CFAP20DC: variants seen among roughly 807,000 people sequenced by gnomAD.
CFAP20DC encodes the protein CFAP20 domain containing, also known as protein CFAP20DC.
In CFAP20DC, 84 loss-of-function variants were observed where a neutral mutation model predicts 101.7. The observed-to-expected ratio is 0.83, with a 90% CI of 0.69 to 0.99. CFAP20DC has a LOEUF of 0.99. CFAP20DC is among the 50% of genes least tolerant of loss of function. The pLI, the probability that CFAP20DC is intolerant of heterozygous loss-of-function variation, is 0.00. For synonymous variants in CFAP20DC, 359 were observed against 351.2 expected (o/e 1.02, Z -0.25); for missense variants, 1,007 against 970.3 (o/e 1.04, Z -0.50).
At chr3:58,834,772 A>AG (rs1239931641) in intron 13 of CFAP20DC, among the ~76,000 whole-genome samples, 17 of 152,278 alleles carry the variant, frequency 1.1e-4, no homozygotes, top group Admixed American at 5.2e-4. Context: ...CAAATATACT[A>AG]GGGGGGTCTC....
rs2082512552 is a variant in CFAP20DC at position 58,894,515 on chromosome 3, C to G, written c.551-9806G>C. On this transcript the variant is annotated intron_variant, in intron 6 of 16. Coordinates refer to ENST00000482387, the MANE Select transcript of CFAP20DC (RefSeq NM_001394063.1). This position sits in a 1 kb window ranked among gnomAD's most constrained non-coding sequence, Gnocchi z 4.1. ...GTCTCACATTCAGGACACGCTGATG[C>G]AGAAGGTGGGTTCCTACGGCCTTTG... is the stretch of plus-strand genomic sequence containing the variant. 6.6e-6 allele frequency among the ~76,000 whole-genome samples: 1 copy of G among 152,246 alleles called. No homozygotes were observed. Among genetic ancestry groups the G allele is most frequent in the South Asian group, 2.1e-4 (1 of 4,828 alleles).
At chr3:59,005,730 A>G (rs1460488236) in intron 4 of CFAP20DC, among the ~76,000 whole-genome samples, 1 of 152,228 alleles carries the variant, frequency 6.6e-6, no homozygotes, top group African/African-American at 2.4e-5. Context: ...ATATTAATGT[A>G]ATTAAATGTC....
intron 4 of CFAP20DC, among the ~76,000 whole-genome samples, chr3:58,984,376 C>T (rs1234013094): frequency 6.6e-6 from 1 of 152,012 alleles, no homozygotes; most frequent in East Asian, 1.9e-4. Flanking sequence ...ACAACTTTTG[C>T]CAGAGGATTT....
chr3:58,764,162 C>T (rs1280633176), intron 15 of CFAP20DC, among the ~76,000 whole-genome samples: 4 of 152,206 alleles, frequency 2.6e-5, no homozygotes, highest in East Asian at 1.9e-4. Context: ...GGCAGGCCTC[C>T]GTGAGCTGCA....
At chr3:58,944,314 G>C (rs2089044338) in intron 4 of CFAP20DC, among the ~76,000 whole-genome samples, 1 of 152,156 alleles carries the variant, frequency 6.6e-6, no homozygotes, top group East Asian at 1.9e-4. Flanking sequence ...AATGTTAAGG[G>C]CAGCCAGAGA....
At chr3:58,798,081 C>T (rs751256324) in intron 15 of CFAP20DC, among the ~76,000 whole-genome samples, 16 of 152,058 alleles carry the variant, frequency 1.1e-4, no homozygotes, top group Non-Finnish European at 1.9e-4. Flanking sequence ...CCAGCTAACA[C>T]GACATCTATT....
chr3:58,796,154 T>C (rs985227115), intron 15 of CFAP20DC, among the ~76,000 whole-genome samples: 1 of 152,084 alleles, frequency 6.6e-6, no homozygotes, highest in African/African-American at 2.4e-5. Flanking sequence ...AAACCAGGAC[T>C]GAAAGTGGGC....
intron 3 of CFAP20DC, chr3:58,734,464 G>A (rs906555126): frequency 1.3e-5 from 6 of 449,156 alleles, no homozygotes; most frequent in Non-Finnish European, 2.2e-5. Context: ...CATTTACTGA[G>A]TGCTTACCAT....
chr3:58,939,977 A>C (rs569046042), intron 4 of CFAP20DC, among the ~76,000 whole-genome samples: 1 of 152,092 alleles, frequency 6.6e-6, no homozygotes, highest in Non-Finnish European at 1.5e-5. Context: ...ATGTTGGCCA[A>C]GCTGGTCTAG....
At chr3:59,049,003 A>C (rs1483968213) in intron 1 of CFAP20DC, among the ~76,000 whole-genome samples, 1 of 152,158 alleles carries the variant, frequency 6.6e-6, no homozygotes, top group Non-Finnish European at 1.5e-5. Flanking sequence ...CTAGTTAAAA[A>C]GCTTAATCAA....
At chr3:58,777,585 T>G (rs1455378634) in intron 15 of CFAP20DC, among the ~76,000 whole-genome samples, 1 of 152,112 alleles carries the variant, frequency 6.6e-6, no homozygotes, top group African/African-American at 2.4e-5. Flanking sequence ...AACAGAAAAA[T>G]AAAGGCTAAG....
intron 6 of CFAP20DC, among the ~76,000 whole-genome samples, chr3:58,891,270 C>A (rs921335777): frequency 6.6e-6 from 1 of 151,968 alleles, no homozygotes; most frequent in African/African-American, 2.4e-5. Context: ...CAAAACCAGT[C>A]AGGCGTGGCG....
rs879333653 is a variant in CFAP20DC at position 58,817,465 on chromosome 3, A to G, written c.2176-11009T>C. 3.5e-3 allele frequency among the ~76,000 whole-genome samples: 501 copies of G among 143,134 alleles called. 2 individuals are homozygous for G. Among genetic ancestry groups the G allele is most frequent in the Middle Eastern group, 0.011 (3 of 282 alleles). The allele number at this position is 143,134 out of a possible 152,430, so 93.9% of individuals were successfully genotyped here. A position where few individuals can be genotyped will look rare whatever the true frequency, so the allele number is the denominator to read the frequency against. ...CTTAAAGGAGCTGATGGAGCTGAAA[A>G]CCAAGGCTCGAGAACTACGTGAAGA... is the stretch of plus-strand genomic sequence containing the variant. On this transcript the variant is annotated intron_variant, in intron 14 of 16. Transcript: ENST00000482387.
At chr3:59,026,763 T>C (rs564801960) in intron 4 of CFAP20DC, among the ~76,000 whole-genome samples, 1 of 152,294 alleles carries the variant, frequency 6.6e-6, no homozygotes, top group African/African-American at 2.4e-5. Flanking sequence ...TTCAATAGGG[T>C]AGAAGACTCT....
At chr3:58,819,905 C>G (rs1272356134) in intron 14 of CFAP20DC, among the ~76,000 whole-genome samples, 1 of 145,750 alleles carries the variant, frequency 6.9e-6, no homozygotes, top group African/African-American at 2.6e-5. Flanking sequence ...AAAATACTGG[C>G]AAAACGAATC....
intron 3 of CFAP20DC, among the ~76,000 whole-genome samples, chr3:58,735,954 A>C (rs2067744476): frequency 6.6e-6 from 1 of 152,160 alleles, no homozygotes; most frequent in South Asian, 2.1e-4. Flanking sequence ...ATGCTTAGCT[A>C]AAAAATGGCG....
At chr3:58,952,376 T>C (rs1373422939) in intron 4 of CFAP20DC, among the ~76,000 whole-genome samples, 2 of 152,194 alleles carry the variant, frequency 1.3e-5, no homozygotes, top group African/African-American at 2.4e-5. Flanking sequence ...ATTCTCCCTT[T>C]TTCCAGTCTC....
chr3:58,861,820 A>G lies in CFAP20DC; in HGVS notation c.1593+1738T>C. 1.0e-6 allele frequency: 1 copy of G among 985,438 alleles called. No homozygotes were observed. The highest frequency in any genetic ancestry group is 1.2e-6 in the Non-Finnish European group (1 of 829,918). 61.0% of individuals were successfully genotyped at this position (985,438 alleles called of 1,614,324 possible). On this transcript the variant is annotated intron_variant, in intron 12 of 16. Transcript: ENST00000482387. The surrounding 1 kb of genome is among the most constrained non-coding windows in gnomAD (Gnocchi z 4.0). Reference sequence around the variant, plus strand: ...TATGCTACTGGTCACCTTGATGGGCATGGCACAGGGGTGACCAGATAGCCC... The same window carrying G: ...TATGCTACTGGTCACCTTGATGGGCGTGGCACAGGGGTGACCAGATAGCCC...
intron 4 of CFAP20DC, among the ~76,000 whole-genome samples, chr3:58,999,671 C>T (rs1191837799): frequency 6.6e-6 from 1 of 151,958 alleles, no homozygotes. Flanking sequence ...AACAGGACTT[C>T]AGGGATTGTA....
Sources: allele counts gnomAD v4.1 joint callset (sites outside exome capture counted in the v4.1 genomes callset), GRCh38; gene constraint gnomAD v4.1.1; non-coding constraint Gnocchi (gnomAD v3.1); transcripts MANE v1.5; gene names NCBI Gene and HGNC (gene_info 2026-07-23, HGNC 2026-07-21).